The following GALK1 variants were observed in gnomAD, a reference collection of about 807,000 sequenced individuals.
The protein encoded by GALK1 is galactokinase.
In GALK1, 30 loss-of-function variants were observed where a neutral mutation model predicts 38.6. The observed-to-expected ratio is 0.78, with a 90% CI of 0.58 to 1.05. The LOEUF is 1.05. GALK1 is among the 50% of genes least tolerant of loss of function. The probability of loss-of-function intolerance (pLI) is 0.00; values close to 1 mark genes in which losing one functional copy is unlikely to be tolerated. For missense variants in GALK1, 512 were observed against 540.5 expected (o/e 0.95, Z 0.52); for synonymous variants, 240 against 233.6 (o/e 1.03, Z -0.25).
At chr17:75,755,920 G>C, downstream of GALK1, 1 of 1,544,636 alleles carries the variant, frequency 6.5e-7, no homozygotes, top group Non-Finnish European at 8.7e-7. Flanking sequence ...GACACATAGG[G>C]TACCTCAGCT....
chr17:75,762,940 C>T, intron 4 of GALK1, 55 bp from the exon 5 acceptor site: 3 of 1,509,230 alleles, frequency 2.0e-6, no homozygotes, highest in Non-Finnish European at 2.6e-6. Context: ...GCTTGCTGCG[C>T]CAGGCAGTGG....
chr17:75,754,027 G>A, downstream of GALK1: 3 of 834,852 alleles, frequency 3.6e-6, no homozygotes, highest in Non-Finnish European at 4.8e-6. Context: ...CCTCACTCGC[G>A]CCTGAGGGCC....
Position 75,764,958 on chromosome 17 carries a change from G to T in GALK1, c.165+14C>A. On this transcript the variant is annotated intron_variant, in intron 1 of 7. Transcript: ENST00000588479. ...GGCGGCGGCGGGCTAGGGGCTCCCC[G>T]TGCAGCCCCTCACCATAGGCAGCAC... The T allele has an allele frequency of 6.2e-7, 1 of 1,603,248 alleles. No homozygotes were observed. The highest frequency in any genetic ancestry group is 1.3e-5 in the African/African-American group (1 of 74,856).
chr17:75,764,901 C>A, intron 1 of GALK1, 71 bp downstream of exon 1: 1 of 1,531,120 alleles, frequency 6.5e-7, no homozygotes, highest in South Asian at 1.2e-5. Flanking sequence ...CCCCAGCGTC[C>A]CCGAGGCCCG....
chr17:75,762,332 TG>T lies in GALK1; in HGVS notation c.793+371del, dbSNP rs199951504. The stretch of plus-strand genomic sequence containing the variant: ...ACCCTGCCTCTTAAAAAAAAGGGGG[TG>T]GGGGGGGAAAGTGATGATATATTAC... On this transcript the variant is annotated intron_variant, in intron 5 of 7. Coordinates refer to ENST00000588479, the MANE Select transcript of GALK1 (RefSeq NM_000154.2). Among the ~76,000 whole-genome samples the T allele has an allele frequency of 2.3e-4, 31 of 132,622 alleles. No homozygotes were observed. In the South Asian group the frequency reaches 2.9e-3, roughly 12 times the overall value. 87.0% of individuals were successfully genotyped at this position (132,622 alleles called of 152,430 possible).
chr17:75,753,517 G>A (rs115576452), downstream of GALK1, among the ~76,000 whole-genome samples: 2 of 152,146 alleles, frequency 1.3e-5, no homozygotes, highest in South Asian at 4.1e-4. Context: ...GGGTCCGGGG[G>A]TCTCTCCTCC....
rs1490873505 is a variant in GALK1, at chr17:75,758,550, C to G, written c.843G>C (p.Val281=). ...GGGCCGTGCGCCGAATCTCCCCCAC[C>G]ACGTGCCGGGCCCGCCGGAAGCCCT... ...SKEGFRRARH[V]VGEIRRTAQA... The change falls in exon 6 of 8, where the codon GTG becomes GTC. Residue 281 remains valine, a synonymous_variant. Transcript: ENST00000588479. 6 of 1,596,274 alleles carry G rather than the reference C, an allele frequency of 3.8e-6. No homozygotes were observed. The highest frequency in any genetic ancestry group is 2.2e-5 in the East Asian group (1 of 44,554).
downstream of GALK1, chr17:75,755,009 C>A: frequency 6.3e-7 from 1 of 1,575,280 alleles, no homozygotes; most frequent in Non-Finnish European, 8.6e-7. Context: ...TACACACATG[C>A]ATGCACACTC....
chr17:75,751,602 A>C (rs1052824567), exon 9 of GALK1: 5 of 233,574 alleles, frequency 2.1e-5, no homozygotes, highest in Admixed American at 1.6e-4. Flanking sequence ...TTAGACAGGC[A>C]TGGTGGCTCA....
Position 75,765,089 on chromosome 17 carries a change from G to A in GALK1, c.48C>T (p.Ala16=). ...QPQVAELLAE[A]RRAFREEFGA... ...CGAACTCCTCCCGGAAGGCTCGCCG[G>A]GCCTCGGCCAGCAGCTCCGCGACCT... Residue 16 remains alanine (A), a synonymous_variant, in exon 1 of 8, where the codon GCC becomes GCT. Coordinates refer to ENST00000588479, the MANE Select transcript of GALK1 (RefSeq NM_000154.2). 6.3e-7 allele frequency: 1 copy of A among 1,593,642 alleles called. No homozygotes were observed. Among genetic ancestry groups the A allele is most frequent in the Non-Finnish European group, 8.5e-7 (1 of 1,171,276 alleles).
downstream of GALK1, chr17:75,757,024 A>G: frequency 1.9e-6 from 3 of 1,612,922 alleles, no homozygotes; most frequent in Non-Finnish European, 2.5e-6. Context: ...AACGTGCCCT[A>G]CAAGTTCAAG....
intron 2 of GALK1, 154 bp from the exon 3 acceptor site, chr17:75,763,593 G>T: frequency 2.4e-6 from 2 of 849,558 alleles, no homozygotes; most frequent in East Asian, 2.6e-5. Flanking sequence ...GCTGGGCCAA[G>T]GGACCCACTG....
chr17:75,760,101 T>A (rs528185235), intron 5 of GALK1, among the ~76,000 whole-genome samples: 3 of 152,274 alleles, frequency 2.0e-5, no homozygotes, highest in African/African-American at 7.2e-5. Context: ...ACTTGTATCT[T>A]TTTTGTTTTG....
downstream of GALK1, chr17:75,755,755 C>T: frequency 6.2e-7 from 1 of 1,612,806 alleles, no homozygotes; most frequent in Non-Finnish European, 8.5e-7. Context: ...GTGTTCTCTG[C>T]CCTGGGGCCC....
At chr17:75,761,176 T>C (rs1186714037) in intron 5 of GALK1, among the ~76,000 whole-genome samples, 2 of 151,980 alleles carry the variant, frequency 1.3e-5, no homozygotes, top group African/African-American at 4.8e-5. Flanking sequence ...CACTGCAGCC[T>C]GGGTGACAGA....
intron 5 of GALK1, among the ~76,000 whole-genome samples, chr17:75,761,552 G>A (rs575815564): frequency 6.6e-6 from 1 of 150,458 alleles, no homozygotes; most frequent in South Asian, 2.1e-4. Context: ...AGGAGGTGGA[G>A]GATGCAGTGA....
downstream of GALK1, chr17:75,757,147 G>A: frequency 3.1e-6 from 5 of 1,612,780 alleles, no homozygotes; most frequent in Non-Finnish European, 4.2e-6. Context: ...CCCCTCCTCG[G>A]GCCGTGCCTC....
chr17:75,756,230 T>C (rs578054052), downstream of GALK1, among the ~76,000 whole-genome samples: 1 of 152,158 alleles, frequency 6.6e-6, no homozygotes, highest in East Asian at 1.9e-4. Context: ...TAAACATGAG[T>C]GGGATTACAG....
At chr17:75,763,779 G>A (rs2061598190) in intron 2 of GALK1, 118 bp downstream of exon 2, 2 of 1,041,060 alleles carry the variant, frequency 1.9e-6, no homozygotes, top group African/African-American at 1.6e-5. Context: ...TCTGTACAAT[G>A]GGATGCTCCA....
Sources: allele counts gnomAD v4.1 joint callset (sites outside exome capture counted in the v4.1 genomes callset), GRCh38; gene constraint gnomAD v4.1.1; transcripts MANE v1.5; gene names NCBI Gene and HGNC (gene_info 2026-07-23, HGNC 2026-07-21).